MGAT4D: variants seen among roughly 807,000 people sequenced by gnomAD.
The protein encoded by MGAT4D is MGAT4 family member D.
MGAT4D carries 34 observed loss-of-function variants against 15.9 expected under a neutral mutation model. That is an observed-to-expected ratio of 2.14 (90% CI 1.62 to 2.84). MGAT4D has a LOEUF of 2.84. Among genes scored for constraint, MGAT4D ranks in the 30% most tolerant of loss-of-function variants. The probability of loss-of-function intolerance (pLI) is 0.00; values close to 1 mark genes in which losing one functional copy is unlikely to be tolerated. For missense variants in MGAT4D, 327 were observed against 140.2 expected (o/e 2.33, Z -6.73); for synonymous variants, 112 against 48.2 (o/e 2.33, Z -5.49).
chr4:140,454,965 T>C (rs1387599296), intron 9 of MGAT4D, among the ~76,000 whole-genome samples: 1 of 152,204 alleles, frequency 6.6e-6, no homozygotes, highest in Non-Finnish European at 1.5e-5. Flanking sequence ...GTTGATAACC[T>C]GTATTTTTTG....
intron 1 of MGAT4D, among the ~76,000 whole-genome samples, chr4:140,497,795 A>G (rs2110759122): frequency 6.6e-6 from 1 of 152,376 alleles, no homozygotes. Context: ...AGAAGGAAGA[A>G]CAGGAGAGGG....
intron 1 of MGAT4D, among the ~76,000 whole-genome samples, chr4:140,497,921 C>T (rs1287214096): frequency 1.3e-5 from 2 of 152,130 alleles, no homozygotes; most frequent in South Asian, 2.1e-4. Flanking sequence ...AGGAGGAGGT[C>T]GGGGCGCGGG....
At chr4:140,456,861 A>C in intron 8 of MGAT4D, 142 bp from the exon 9 acceptor site, 1 of 457,160 alleles carries the variant, frequency 2.2e-6, no homozygotes, top group Non-Finnish European at 3.9e-6. Flanking sequence ...GAAGTTAGAC[A>C]ATGATAAAAT....
intron 1 of MGAT4D, among the ~76,000 whole-genome samples, chr4:140,493,098 T>C (rs1365356300): frequency 6.6e-6 from 1 of 152,136 alleles, no homozygotes; most frequent in Non-Finnish European, 1.5e-5. Context: ...TAAAAAGTTA[T>C]ATATGCAAAA....
intron 9 of MGAT4D, among the ~76,000 whole-genome samples, chr4:140,453,834 C>T (rs748205013): frequency 2.6e-5 from 4 of 152,088 alleles, no homozygotes; most frequent in Non-Finnish European, 5.9e-5. Flanking sequence ...ATCAATTAAG[C>T]CTCTTTTCTT....
intron 10 of MGAT4D, among the ~76,000 whole-genome samples, chr4:140,446,518 C>A (rs563682202): frequency 6.6e-6 from 1 of 151,960 alleles, no homozygotes; most frequent in African/African-American, 2.4e-5. Context: ...GGCAATGTCT[C>A]CTTTGTCATT....
Position 140,451,521 on chromosome 4 carries a change from G to C in MGAT4D, c.1009-4C>G. 1.9e-6 allele frequency: 1 copy of C among 530,966 alleles called. No homozygotes were observed. The highest frequency in any genetic ancestry group is 3.4e-6 in the Non-Finnish European group (1 of 292,670). 32.9% of individuals were successfully genotyped at this position (530,966 alleles called of 1,614,324 possible). A position where few individuals can be genotyped will look rare whatever the true frequency, so the allele number is the denominator to read the frequency against. ...TCTTTCGTTTCATACAGTTTCTCTGGGGAAAAAGAAACAACAATCTTCTGT... is the reference window on the plus strand; with the variant it reads ...TCTTTCGTTTCATACAGTTTCTCTGCGGAAAAAGAAACAACAATCTTCTGT... On this transcript the variant is annotated splice_polypyrimidine_tract_variant and splice_region_variant and intron_variant, in intron 9 of 10. Transcript: ENST00000511113.
intron 10 of MGAT4D, among the ~76,000 whole-genome samples, chr4:140,450,937 A>G (rs1252185318): frequency 2.6e-5 from 4 of 152,148 alleles, no homozygotes; most frequent in South Asian, 2.1e-4. Context: ...TTATATCTGA[A>G]AATGATGCAA....
At chr4:140,477,346 C>G (rs1370716358) in intron 3 of MGAT4D, among the ~76,000 whole-genome samples, 1 of 152,184 alleles carries the variant, frequency 6.6e-6, no homozygotes, top group East Asian at 1.9e-4. Flanking sequence ...TCATTTGTCT[C>G]TATGAAGGTG....
At chr4:140,452,095 C>T (rs1202548574) in intron 9 of MGAT4D, among the ~76,000 whole-genome samples, 1 of 151,504 alleles carries the variant, frequency 6.6e-6, no homozygotes, top group African/African-American at 2.4e-5. Flanking sequence ...AATCTCAGCA[C>T]TTTGAGAGGT....
At chr4:140,456,346 C>T (rs868562214) in intron 9 of MGAT4D, among the ~76,000 whole-genome samples, 145 of 151,964 alleles carry the variant, frequency 9.5e-4, no homozygotes, top group African/African-American at 3.4e-3. Context: ...TTTGAATTTA[C>T]GTCTATCATT....
chr4:140,489,189 C>A (rs1721883531), intron 1 of MGAT4D, among the ~76,000 whole-genome samples: 1 of 151,828 alleles, frequency 6.6e-6, no homozygotes, highest in Non-Finnish European at 1.5e-5. Flanking sequence ...ATACTTGTAC[C>A]CAATGTGGTT....
intron 4 of MGAT4D, among the ~76,000 whole-genome samples, chr4:140,472,411 C>T (rs1023652714): frequency 2.0e-5 from 3 of 152,082 alleles, no homozygotes; most frequent in African/African-American, 7.2e-5. Context: ...AAAAAAATAA[C>T]GTGGCATTTA....
In MGAT4D at chr4:140,485,810, T is replaced by TAAAAA. The variant is rs61131099; in HGVS notation, c.95-3330_95-3326dup. 6.9e-4 allele frequency among the ~76,000 whole-genome samples: 9 copies of TAAAAA among 13,026 alleles called. 1 individual carries two copies. Among genetic ancestry groups the TAAAAA allele is most frequent in the Admixed American group, 1.7e-3 (1 of 600 alleles). 8.5% of individuals were successfully genotyped at this position (13,026 alleles called of 152,430 possible). On this transcript the variant is annotated intron_variant, in intron 1 of 10. Coordinates refer to ENST00000511113, the MANE Select transcript of MGAT4D (RefSeq NM_001277353.2). Reference sequence around the variant, plus strand: ...TGAGCAACAGAGCAAGACCCTGTCTTAAAAAAAAAAAAAAAAAAAAAAAAA... The same window carrying TAAAAA: ...TGAGCAACAGAGCAAGACCCTGTCTTAAAAAAAAAAAAAAAAAAAAAAAAAAAAAA...
intron 1 of MGAT4D, among the ~76,000 whole-genome samples, chr4:140,497,687 G>C (rs1300117591): frequency 3.3e-5 from 5 of 152,176 alleles, no homozygotes; most frequent in African/African-American, 9.7e-5. Context: ...GGCATGAAGC[G>C]GGGCCTGGTG....
intron 1 of MGAT4D, 100 bp from the exon 2 acceptor site, chr4:140,482,585 A>G (rs1732817750): frequency 3.8e-6 from 2 of 522,088 alleles, no homozygotes; most frequent in East Asian, 3.2e-5. Context: ...CAATATAGTT[A>G]TATATAGTAC....
intron 10 of MGAT4D, among the ~76,000 whole-genome samples, chr4:140,450,483 T>C (rs1730403842): frequency 6.6e-6 from 1 of 152,230 alleles, no homozygotes; most frequent in African/African-American, 2.4e-5. Context: ...CACATATTTG[T>C]CTTGTTGGAC....
intron 3 of MGAT4D, 39 bp from the exon 4 acceptor site, chr4:140,474,985 C>T (rs1732220323): frequency 1.8e-6 from 1 of 555,362 alleles, no homozygotes; most frequent in Non-Finnish European, 3.2e-6. Flanking sequence ...TTCCATACCA[C>T]AGAGAAAAAC....
At chr4:140,486,367 A>G (rs138228912) in intron 1 of MGAT4D, among the ~76,000 whole-genome samples, 16 of 152,114 alleles carry the variant, frequency 1.1e-4, no homozygotes, top group African/African-American at 3.9e-4. Flanking sequence ...TATTTTTTTA[A>G]TTATACTTTA....
Sources: gnomAD v4.1 joint callset for allele counts (sites outside exome capture counted in the v4.1 genomes callset) on GRCh38, gnomAD v4.1.1 for gene constraint, MANE v1.5 for transcripts, NCBI Gene and HGNC (gene_info 2026-07-23, HGNC 2026-07-21) for gene names.